PDE4D: variants seen among roughly 807,000 people sequenced by gnomAD.
PDE4D encodes the protein phosphodiesterase 4D, also known as 3',5'-cyclic-AMP phosphodiesterase 4D.
Under a neutral mutation model 87.4 loss-of-function variants are expected in PDE4D, and 24 were observed. That is an observed-to-expected ratio of 0.27 (90% CI 0.20 to 0.39). PDE4D has a LOEUF of 0.39. Among genes scored for constraint, PDE4D ranks in the 10% least tolerant of loss-of-function variants. The pLI, the probability that PDE4D is intolerant of heterozygous loss-of-function variation, is 1.00. For synonymous variants in PDE4D, 384 were observed against 383.2 expected, an observed-to-expected ratio of 1.00 and a Z score of -0.02; for missense variants, 714 against 1,041.0, an observed-to-expected ratio of 0.69 and a Z score of 4.32.
chr5:60,316,777 T>C (rs1282166082), intron 1 of PDE4D, among the ~76,000 whole-genome samples: 2 of 152,230 alleles, frequency 1.3e-5, no homozygotes, highest in East Asian at 1.9e-4. Context: ...TCTGTTTATA[T>C]GCTGGATTAT....
chr5:59,923,228 T>G (rs1264286957), intron 3 of PDE4D, among the ~76,000 whole-genome samples: 3 of 152,180 alleles, frequency 2.0e-5, no homozygotes, highest in Non-Finnish European at 4.4e-5. Context: ...ATTTCTCACT[T>G]CAGGTCCTGG....
chr5:60,361,845 C>T (rs937307249), intron 1 of PDE4D, among the ~76,000 whole-genome samples: 1 of 152,130 alleles, frequency 6.6e-6, no homozygotes, highest in Non-Finnish European at 1.5e-5. Flanking sequence ...TAATCCACAT[C>T]ACAGTCGCAC....
chr5:59,275,940 C>T (rs1764710274), intron 1 of PDE4D: 1 of 985,170 alleles, frequency 1.0e-6, no homozygotes, highest in South Asian at 4.7e-5. Context: ...GAACAAATCT[C>T]TCCACACTTT....
intron 1 of PDE4D, among the ~76,000 whole-genome samples, chr5:60,289,258 C>G (rs925205143): frequency 2.6e-5 from 4 of 152,080 alleles, no homozygotes; most frequent in Non-Finnish European, 5.9e-5. Flanking sequence ...GTTTCTAGAA[C>G]TCCTTAAATA....
intron 5 of PDE4D, among the ~76,000 whole-genome samples, chr5:59,067,581 G>A (rs1561423936): frequency 6.6e-6 from 1 of 152,148 alleles, no homozygotes; most frequent in Non-Finnish European, 1.5e-5. Context: ...CTGCATGGAT[G>A]AATAAACCAA....
chr5:59,784,262 A>C (rs1240937786), intron 1 of PDE4D, among the ~76,000 whole-genome samples: 3 of 151,878 alleles, frequency 2.0e-5, no homozygotes, highest in Non-Finnish European at 2.9e-5. Context: ...TAAAAAAAAA[A>C]AGGGGATTGT....
At chr5:60,350,377 T>G (rs373580469) in intron 1 of PDE4D, among the ~76,000 whole-genome samples, 14 of 152,248 alleles carry the variant, frequency 9.2e-5, no homozygotes, top group East Asian at 5.8e-4. Context: ...CTACATCCTT[T>G]CTCATCTCTC....
intron 1 of PDE4D, among the ~76,000 whole-genome samples, chr5:59,360,846 T>C (rs994499704): frequency 5.9e-5 from 9 of 152,148 alleles, no homozygotes; most frequent in Non-Finnish European, 1.3e-4. Context: ...TGGGAAAGCA[T>C]GCTCTGTGTT....
At chr5:59,207,800 C>T (rs1312948877) in intron 2 of PDE4D, among the ~76,000 whole-genome samples, 1 of 151,506 alleles carries the variant, frequency 6.6e-6, no homozygotes, top group East Asian at 1.9e-4. Context: ...AAATAATTCA[C>T]CTTCACACTC....
At chr5:60,254,225 A>G (rs981123248) in intron 1 of PDE4D, among the ~76,000 whole-genome samples, 1 of 151,906 alleles carries the variant, frequency 6.6e-6, no homozygotes, top group African/African-American at 2.4e-5. Flanking sequence ...CCAGGGTTCA[A>G]TCAGAGATGT....
chr5:59,245,746 C>T (rs372919492), intron 1 of PDE4D, among the ~76,000 whole-genome samples: 15 of 152,194 alleles, frequency 9.9e-5, no homozygotes, highest in Admixed American at 6.5e-5. Flanking sequence ...AGCCTCTCCA[C>T]ATCTTGCTTT....
In PDE4D at chr5:58,972,410, G is replaced by A. The variant is rs1352628018; in HGVS notation, c.*2254C>T. 1 of 152,492 alleles carries A rather than the reference G, an allele frequency of 6.6e-6. No individual in the cohort carries two copies. Among genetic ancestry groups the A allele is most frequent in the Non-Finnish European group, 1.5e-5 (1 of 68,006 alleles). 9.4% of individuals were successfully genotyped at this position (152,492 alleles called of 1,614,324 possible). On this transcript the variant is annotated 3_prime_UTR_variant, in exon 15 of 15. Transcript: ENST00000340635. ...CTTCTGCTTTATGTAAAAGATCAGA[G>A]TTATAAAGACATAATTTTTATTTCA... is the stretch of plus-strand genomic sequence containing the variant.
chr5:60,300,066 T>G (rs1753760877), intron 1 of PDE4D, among the ~76,000 whole-genome samples: 1 of 152,142 alleles, frequency 6.6e-6, no homozygotes, highest in Non-Finnish European at 1.5e-5. Context: ...TATCTGTTGT[T>G]TTTTTTATTC....
intron 2 of PDE4D, among the ~76,000 whole-genome samples, chr5:60,051,890 C>G (rs1211216687): frequency 6.6e-6 from 1 of 152,130 alleles, no homozygotes; most frequent in Non-Finnish European, 1.5e-5. Flanking sequence ...ATACAAATTA[C>G]TATCAGAGTA....
At chr5:60,389,582 A>G (rs1358348163) in intron 1 of PDE4D, among the ~76,000 whole-genome samples, 3 of 152,182 alleles carry the variant, frequency 2.0e-5, no homozygotes, top group Non-Finnish European at 2.9e-5. Context: ...AATTTGGGGA[A>G]GGCTCAGAAG....
chr5:60,178,578 T>C (rs1229741318), intron 2 of PDE4D, among the ~76,000 whole-genome samples: 2 of 152,136 alleles, frequency 1.3e-5, no homozygotes, highest in African/African-American at 4.8e-5. Context: ...TATGTTCAAA[T>C]AGAACCCTGC....
intron 1 of PDE4D, among the ~76,000 whole-genome samples, chr5:59,319,160 ATGTGTGTG>A (rs59099367): frequency 0.097 from 13,606 of 139,724 alleles, 752 homozygotes; most frequent in East Asian, 0.28. Flanking sequence ...GTACATATAT[ATGTGTGTG>A]TGTGTGTGTG....
At chr5:60,002,454 A>C (rs1764106831) in intron 2 of PDE4D, among the ~76,000 whole-genome samples, 1 of 152,172 alleles carries the variant, frequency 6.6e-6, no homozygotes, top group African/African-American at 2.4e-5. Context: ...GAATCAGATA[A>C]GGACCCTATA....
At chr5:59,154,912 T>C (rs1308672052) in intron 5 of PDE4D, among the ~76,000 whole-genome samples, 1 of 152,070 alleles carries the variant, frequency 6.6e-6, no homozygotes, top group East Asian at 1.9e-4. Flanking sequence ...GACAGACAGA[T>C]AGATTTGGTA....
Sources: allele counts gnomAD v4.1 joint callset (sites outside exome capture counted in the v4.1 genomes callset), GRCh38; gene constraint gnomAD v4.1.1; transcripts MANE v1.5; gene names NCBI Gene and HGNC (gene_info 2026-07-23, HGNC 2026-07-21).